Variants in RTEL1 observed in about 807,000 individuals in gnomAD.
The protein encoded by RTEL1 is regulator of telomere elongation helicase 1.
Under a neutral mutation model 162.2 loss-of-function variants are expected in RTEL1, and 86 were observed. That is an observed-to-expected ratio of 0.53 (90% confidence interval 0.45 to 0.63). RTEL1 has a LOEUF of 0.63. RTEL1 is among the 30% of genes least tolerant of loss of function. RTEL1 has a pLI of 0.00. For missense variants in RTEL1, 1,941 were observed against 1,750.2 expected (o/e 1.11, Z -1.95); for synonymous variants, 958 against 717.9 (o/e 1.33, Z -5.35).
chr20:63,690,414 G>C lies in RTEL1; in HGVS notation c.2386G>C (p.Val796Leu), dbSNP rs774200190. The change falls in exon 26 of 35, where the codon GTC becomes CTC. Residue 796 changes from valine to leucine, a missense_variant. Val to Leu is a conservative substitution (Grantham distance 32). Coordinates refer to ENST00000360203, the MANE Select transcript of RTEL1 (RefSeq NM_001283009.2). ...GAAAGCTAAGAGTCTGGACCTGCAT[G>C]TCCCCAGCCTGAAGCAGAGGTCCTC... ...TRKAKSLDLH[V>L]PSLKQRSSGS... is the part of the protein sequence containing the mutation. The C allele has an allele frequency of 8.7e-6, 14 of 1,605,228 alleles. No homozygotes were observed. Among genetic ancestry groups the C allele is most frequent in the Non-Finnish European group, 1.2e-5 (14 of 1,175,126 alleles).
chr20:63,690,945 C>G lies in RTEL1; in HGVS notation c.2554C>G (p.Gln852Glu). 1.3e-6 allele frequency: 2 copies of G among 1,548,998 alleles called. No individual in the cohort carries two copies. The highest frequency in any genetic ancestry group is 1.7e-6 in the Non-Finnish European group (2 of 1,147,024). ...GCGGGCGGGGAGCCCTGGCGAGGAGCAGGTACAGTTCCAGGGCCTTGGGAT... is the reference window on the plus strand; with the variant it reads ...GCGGGCGGGGAGCCCTGGCGAGGAGGAGGTACAGTTCCAGGGCCTTGGGAT... Reference protein sequence around the residue: ...EQRAGSPGEEQAHSCSTLSLL... With the variant: ...EQRAGSPGEEEAHSCSTLSLL... The change falls in exon 27 of 35, where the codon CAG (glutamine) becomes GAG (glutamate). Residue 852 changes from glutamine to glutamate, a missense_variant and splice_region_variant. Physicochemically the swap from Gln to Glu is conservative, Grantham distance 29 (BLOSUM62 2). Transcript: ENST00000360203.
At position 63,694,380 on chromosome 20, in the gene RTEL1, G is replaced by T. The variant is rs1174229845; in HGVS notation, c.3001G>T (p.Ala1001Ser). The T allele has an allele frequency of 6.2e-7, 1 of 1,612,172 alleles. No homozygotes were observed. Among genetic ancestry groups the T allele is most frequent in the East Asian group, 2.2e-5 (1 of 44,854 alleles). ...QPVLDPTGRT[A>S]PDPKLTVSTA... ...CTACATCTCTTCATCAGGAAGAACG[G>T]CGCCGGATCCCAAGCTGACCGTGTC... The change falls in exon 31 of 35, where the codon GCG becomes TCG. Residue 1001 changes from alanine (A) to serine (S), a missense_variant. Transcript: ENST00000360203.
chr20:63,693,471 A>ACCT (rs1395575260), intron 30 of RTEL1, among the ~76,000 whole-genome samples, 188 bp downstream of exon 30: 1 of 54,778 alleles, frequency 1.8e-5, no homozygotes, highest in Non-Finnish European at 3.6e-5. Flanking sequence ...CTCCACCTCC[A>ACCT]CCTCCACCTC....
At position 63,687,896 on chromosome 20, in the gene RTEL1, G is replaced by A. The variant is rs776844397; in HGVS notation, c.1482-41G>A. 4 of 1,604,888 alleles carry A rather than the reference G, an allele frequency of 2.5e-6. No individual in the cohort carries two copies. The South Asian group carries it at 3.3e-5, about 13-fold the overall frequency. On this transcript the variant is annotated intron_variant, in intron 17 of 34. Coordinates refer to ENST00000360203, the MANE Select transcript of RTEL1 (RefSeq NM_001283009.2). Reference sequence around the variant, plus strand: ...GGGCCTCGAGGGCTAAAGGGGTGCTGGTGCACTTCCCCACTGTCTGCTCCC... The same window carrying A: ...GGGCCTCGAGGGCTAAAGGGGTGCTAGTGCACTTCCCCACTGTCTGCTCCC...
chr20:63,675,519 TAC>T (rs1346436194), intron 10 of RTEL1, among the ~76,000 whole-genome samples: 6 of 138,306 alleles, frequency 4.3e-5, no homozygotes, highest in Non-Finnish European at 9.6e-5. Context: ...TATATATATA[TAC>T]ATATATTTAA....
intron 14 of RTEL1, among the ~76,000 whole-genome samples, chr20:63,683,671 C>T (rs1324628497): frequency 6.6e-6 from 1 of 152,198 alleles, no homozygotes; most frequent in African/African-American, 2.4e-5. Context: ...CTCAAGTCTG[C>T]GGCGGGGCTC....
intron 7 of RTEL1, among the ~76,000 whole-genome samples, chr20:63,666,732 C>G (rs1013084335): frequency 6.6e-6 from 1 of 151,914 alleles, no homozygotes; most frequent in African/African-American, 2.4e-5. Flanking sequence ...GACAGGGTCT[C>G]ACTCTGTTGC....
In RTEL1 at chr20:63,662,536, C is replaced by G. The variant is rs756893459; in HGVS notation, c.396-10C>G. On this transcript the variant is annotated splice_polypyrimidine_tract_variant and intron_variant, in intron 4 of 34. Transcript: ENST00000360203. Reference sequence around the variant, plus strand: ...GCTCCTCCTCGACCCACGGTGCTCTCTCCCACCAGGCCTAAGGTGTGTGTG... The same window carrying G: ...GCTCCTCCTCGACCCACGGTGCTCTGTCCCACCAGGCCTAAGGTGTGTGTG... 2.5e-6 allele frequency: 4 copies of G among 1,613,994 alleles called. No individual in the cohort carries two copies. The highest frequency in any genetic ancestry group is 3.4e-6 in the Non-Finnish European group (4 of 1,179,994).
At chr20:63,667,598 T>TG in intron 8 of RTEL1, 45 bp downstream of exon 8, 1 of 1,471,804 alleles carries the variant, frequency 6.8e-7, no homozygotes, top group Non-Finnish European at 9.5e-7. Context: ...TGTCCAGGGG[T>TG]GTCCCTGGGC....
chr20:63,658,937 C>T lies in RTEL1; in HGVS notation c.-170-296C>T, dbSNP rs2089964540. Among the ~76,000 whole-genome samples the T allele has an allele frequency of 2.0e-5, 3 of 152,324 alleles. No individual in the cohort carries two copies. In the South Asian group the frequency reaches 6.2e-4, roughly 32 times the overall value. On this transcript the variant is annotated intron_variant, in intron 1 of 34. Transcript: ENST00000360203. The stretch of plus-strand genomic sequence containing the variant: ...GCTCTGACGTTGCGCCTGGTGAGGC[C>T]GGGAGGGGTGCCGCTTGCCTCTTCA...
intron 16 of RTEL1, 168 bp from the exon 17 acceptor site, chr20:63,687,470 C>A: frequency 1.3e-6 from 1 of 777,604 alleles, no homozygotes; most frequent in Non-Finnish European, 2.0e-6. Context: ...GGCTCACACT[C>A]AGGGCAGCCT....
chr20:63,685,209 T>C (rs1309076826), intron 14 of RTEL1, among the ~76,000 whole-genome samples: 2 of 152,122 alleles, frequency 1.3e-5, no homozygotes, highest in Non-Finnish European at 2.9e-5. Context: ...CTAGATTAAT[T>C]TGGGGCCCTC....
chr20:63,688,220 C>T (rs2090640624), intron 19 of RTEL1, 41 bp downstream of exon 19: 1 of 1,610,310 alleles, frequency 6.2e-7, no homozygotes, highest in Non-Finnish European at 8.5e-7. Flanking sequence ...ATCCTGGATC[C>T]TGGACCCCTG....
At chr20:63,674,755 A>T (rs1026330786) in intron 10 of RTEL1, among the ~76,000 whole-genome samples, 1 of 152,076 alleles carries the variant, frequency 6.6e-6, no homozygotes, top group Non-Finnish European at 1.5e-5. Context: ...TGCATCTTTA[A>T]ATGACCCACA....
At chr20:63,672,806 C>G (rs952701999) in intron 9 of RTEL1, among the ~76,000 whole-genome samples, 185 bp downstream of exon 9, 2 of 152,226 alleles carry the variant, frequency 1.3e-5, no homozygotes, top group African/African-American at 4.8e-5. Flanking sequence ...TCTGCTGGGG[C>G]TGGAGACTGG....
chr20:63,691,671 G>A (rs552689066), intron 27 of RTEL1, 71 bp from the exon 28 acceptor site: 90 of 1,365,450 alleles, frequency 6.6e-5, no homozygotes, highest in South Asian at 4.9e-4. Flanking sequence ...TTCCCTGTGC[G>A]TCCAGGTGCT....
rs2145435795 is a variant in RTEL1, at chr20:63,691,121, AC to A, written c.2556+178del. The stretch of plus-strand genomic sequence containing the variant: ...CTGCCTGGCTGTCTGTGGGTCCTCC[AC>A]CCCACCTCACCCACAGGCTGCTGGC... On this transcript the variant is annotated intron_variant, in intron 27 of 34. Coordinates refer to ENST00000360203, the MANE Select transcript of RTEL1 (RefSeq NM_001283009.2). Among the ~76,000 whole-genome samples the A allele has an allele frequency of 1.3e-5, 2 of 151,698 alleles. 1 individual carries two copies. The highest frequency in any genetic ancestry group is 4.2e-4 in the South Asian group (2 of 4,804).
At chr20:63,694,001 C>T (rs550227881) in intron 30 of RTEL1, among the ~76,000 whole-genome samples, 2 of 151,794 alleles carry the variant, frequency 1.3e-5, no homozygotes, top group African/African-American at 2.4e-5. Flanking sequence ...GCGGAAGCAT[C>T]TGTGTTCGTG....
At position 63,661,848 on chromosome 20, in the gene RTEL1, A is replaced by G; in HGVS notation, c.302-2A>G. Reference sequence around the variant, plus strand: ...CTTCTGTGCTTGCTTGTGTCTGGTCAGCTTGCTACACGGACATCCCAAAGA... The same window carrying G: ...CTTCTGTGCTTGCTTGTGTCTGGTCGGCTTGCTACACGGACATCCCAAAGA... On this transcript the variant is annotated splice_acceptor_variant, in intron 3 of 34. Coordinates refer to ENST00000360203, the MANE Select transcript of RTEL1 (RefSeq NM_001283009.2). LOFTEE classifies it high-confidence loss of function. This position sits in a 1 kb window ranked among gnomAD's most constrained non-coding sequence, Gnocchi z 5.1. 6.2e-7 allele frequency: 1 copy of G among 1,613,820 alleles called. No individual in the cohort carries two copies. Among genetic ancestry groups the G allele is most frequent in the Non-Finnish European group, 8.5e-7 (1 of 1,179,752 alleles).
Sources: allele counts gnomAD v4.1 joint callset (sites outside exome capture counted in the v4.1 genomes callset), GRCh38; gene constraint gnomAD v4.1.1; non-coding constraint Gnocchi (gnomAD v3.1); transcripts MANE v1.5; gene names NCBI Gene and HGNC (gene_info 2026-07-23, HGNC 2026-07-21).